Variants in NXPE2 observed in about 807,000 individuals in gnomAD.
NXPE2 encodes neurexophilin and PC-esterase domain family member 2.
A neutral mutation model predicts 34.4 loss-of-function variants in NXPE2; 34 were observed. The observed-to-expected ratio is 0.99, with a 90% CI of 0.75 to 1.31. The LOEUF is 1.31. Ranked by LOEUF, NXPE2 falls within the 40% of genes most tolerant of loss-of-function variation. The probability of loss-of-function intolerance (pLI) is 0.00; values close to 1 mark genes in which losing one functional copy is unlikely to be tolerated. For missense variants in NXPE2, 649 were observed against 672.5 expected (o/e 0.97, Z 0.39); for synonymous variants, 235 against 231.3 (o/e 1.02, Z -0.15).
chr11:114,802,614 TTTATTTTTTTTAATAA>T, the NXPE2 span, among the ~76,000 whole-genome samples: 1 of 152,168 alleles, frequency 6.6e-6, no homozygotes, highest in Non-Finnish European at 1.5e-5. Flanking sequence ...TAGACAGTCT[TTTATTTTTTTTAATAA>T]TTATTTTTTT....
At chr11:114,699,199 A>G (rs1174542572) in intron 3 of NXPE2, among the ~76,000 whole-genome samples, 1 of 152,110 alleles carries the variant, frequency 6.6e-6, no homozygotes, top group Admixed American at 6.5e-5. Flanking sequence ...AGCTCTATAC[A>G]TTATCCCTCC....
the NXPE2 span, among the ~76,000 whole-genome samples, chr11:114,752,295 T>A: frequency 6.6e-6 from 1 of 152,108 alleles, no homozygotes; most frequent in Non-Finnish European, 1.5e-5. Flanking sequence ...TTCCGGGAGA[T>A]GAGTTAGAGG....
chr11:114,785,946 G>A, the NXPE2 span, among the ~76,000 whole-genome samples: 234 of 152,268 alleles, frequency 1.5e-3, no homozygotes, highest in African/African-American at 5.2e-3. Flanking sequence ...GAGACACTGG[G>A]ACAGAAGATT....
At chr11:114,664,895 A>G in the NXPE2 span, among the ~76,000 whole-genome samples, 2 of 152,176 alleles carry the variant, frequency 1.3e-5, no homozygotes, top group African/African-American at 4.8e-5. Context: ...GATTTTGCCC[A>G]GCTGTTGGCT....
At chr11:114,785,051 G>A in the NXPE2 span, among the ~76,000 whole-genome samples, 2 of 152,074 alleles carry the variant, frequency 1.3e-5, no homozygotes, top group Admixed American at 6.5e-5. Flanking sequence ...AAAGAAGAAA[G>A]TAACAACAGT....
chr11:114,582,880 C>T, the NXPE2 span: 112 of 1,614,014 alleles, frequency 6.9e-5, 1 homozygote, highest in Non-Finnish European at 8.8e-5. Context: ...ATCTGCTGAT[C>T]TAGTTTCTCT....
chr11:114,741,738 G>A, the NXPE2 span, among the ~76,000 whole-genome samples: 4 of 152,090 alleles, frequency 2.6e-5, no homozygotes, highest in Admixed American at 2.0e-4. Flanking sequence ...TGAGTTGTCT[G>A]TGTTCTCTTG....
At chr11:114,630,990 G>A in the NXPE2 span, among the ~76,000 whole-genome samples, 1 of 150,978 alleles carries the variant, frequency 6.6e-6, no homozygotes, top group South Asian at 2.1e-4. Context: ...TCTCACACCA[G>A]TTAGAATGGC....
At chr11:114,661,428 G>A in the NXPE2 span, among the ~76,000 whole-genome samples, 23 of 152,266 alleles carry the variant, frequency 1.5e-4, 1 homozygote, top group South Asian at 4.6e-3. Context: ...AAGGTAAACA[G>A]AATCCTAGGA....
chr11:114,625,682 C>T, the NXPE2 span, among the ~76,000 whole-genome samples: 5 of 152,120 alleles, frequency 3.3e-5, no homozygotes, highest in Admixed American at 3.3e-4. Context: ...CCAAGATGGC[C>T]GAGTAGGAAC....
At chr11:114,733,702 C>T in the NXPE2 span, among the ~76,000 whole-genome samples, 2 of 152,118 alleles carry the variant, frequency 1.3e-5, no homozygotes, top group African/African-American at 4.8e-5. Flanking sequence ...GGGGTGTGAT[C>T]ATCTTATGGG....
the NXPE2 span, among the ~76,000 whole-genome samples, chr11:114,790,462 A>T: frequency 3.3e-5 from 5 of 152,220 alleles, no homozygotes; most frequent in Non-Finnish European, 7.3e-5. Context: ...CTTGCTGAAG[A>T]TTACAAGCTA....
At chr11:114,780,922 G>T in the NXPE2 span, among the ~76,000 whole-genome samples, 1 of 152,172 alleles carries the variant, frequency 6.6e-6, no homozygotes, top group Non-Finnish European at 1.5e-5. Context: ...GTTGGGGGAG[G>T]AGAGTGATGA....
At chr11:114,634,445 T>C in the NXPE2 span, among the ~76,000 whole-genome samples, 2 of 152,134 alleles carry the variant, frequency 1.3e-5, no homozygotes, top group Non-Finnish European at 2.9e-5. Flanking sequence ...TTTCTTTTGC[T>C]GTGCAGCAGC....
the NXPE2 span, among the ~76,000 whole-genome samples, chr11:114,585,830 A>T: frequency 6.6e-6 from 1 of 152,284 alleles, no homozygotes; most frequent in South Asian, 2.1e-4. Flanking sequence ...GAAAACTTGC[A>T]TGGGTGAATG....
At chr11:114,722,523 C>T in the NXPE2 span, among the ~76,000 whole-genome samples, 1 of 151,888 alleles carries the variant, frequency 6.6e-6, no homozygotes, top group South Asian at 2.1e-4. Flanking sequence ...GTTTAGGGAG[C>T]TCTGTTTTTG....
chr11:114,530,213 T>A, the NXPE2 span: 1 of 1,612,670 alleles, frequency 6.2e-7, no homozygotes, highest in Non-Finnish European at 8.5e-7. Flanking sequence ...TAAGATAAGA[T>A]ACCTCTCTAT....
the NXPE2 span, among the ~76,000 whole-genome samples, chr11:114,612,559 G>T: frequency 6.6e-6 from 1 of 151,622 alleles, no homozygotes; most frequent in Admixed American, 6.6e-5. Flanking sequence ...TTGCCTCATG[G>T]GTAACCACTG....
At chr11:114,602,794 ATC>A in the NXPE2 span, among the ~76,000 whole-genome samples, 1 of 142,986 alleles carries the variant, frequency 7.0e-6, no homozygotes, top group African/African-American at 2.5e-5. Context: ...TATAATAATT[ATC>A]TCATATAATT....
Sources: gnomAD v4.1 joint callset for allele counts (sites outside exome capture counted in the v4.1 genomes callset) on GRCh38, gnomAD v4.1.1 for gene constraint, MANE v1.5 for transcripts, NCBI Gene and HGNC (gene_info 2026-07-23, HGNC 2026-07-21) for gene names.